Variants in TFCP2 observed in about 807,000 individuals in gnomAD.
TFCP2 encodes alpha-globin transcription factor CP2.
A neutral mutation model predicts 73.4 loss-of-function variants in TFCP2; 33 were observed. The observed-to-expected ratio is 0.45, with a 90% confidence interval of 0.34 to 0.60. TFCP2 has a LOEUF of 0.60. TFCP2 is among the 20% of genes least tolerant of loss of function. The pLI is 0.01. For synonymous variants in TFCP2, 193 were observed against 211.6 expected, an observed-to-expected ratio of 0.91 and a Z score of 0.76; for missense variants, 352 against 604.0, an observed-to-expected ratio of 0.58 and a Z score of 4.37.
intron 1 of TFCP2, among the ~76,000 whole-genome samples, chr12:51,157,866 C>T (rs1052777865): frequency 2.0e-5 from 3 of 151,582 alleles, no homozygotes; most frequent in Admixed American, 6.6e-5. Flanking sequence ...TTAGTACAGA[C>T]AGGATTTTGC....
At chr12:51,096,489 T>G (rs75806729) in intron 13 of TFCP2, among the ~76,000 whole-genome samples, 1,602 of 152,306 alleles carry the variant, frequency 0.011, 16 homozygotes, top group Middle Eastern at 0.02. Flanking sequence ...CCTCCCAGGA[T>G]CCTAATAAGG....
chr12:51,132,916 G>T (rs1241091529), intron 1 of TFCP2, among the ~76,000 whole-genome samples: 2 of 152,144 alleles, frequency 1.3e-5, no homozygotes, highest in African/African-American at 4.8e-5. Flanking sequence ...AATGACTGCA[G>T]CCTCAGCCTG....
chr12:51,154,565 G>A (rs1941498379), intron 1 of TFCP2, among the ~76,000 whole-genome samples: 2 of 152,072 alleles, frequency 1.3e-5, no homozygotes, highest in South Asian at 4.1e-4. Context: ...GTGGTGGCAG[G>A]TGCCTGTAAT....
intron 1 of TFCP2, among the ~76,000 whole-genome samples, chr12:51,122,253 C>CTTTTTTTTTTTTTTT (rs11347975): frequency 2.7e-5 from 2 of 73,180 alleles, no homozygotes; most frequent in African/African-American, 5.7e-5. Flanking sequence ...TTTTTCTTTT[C>CTTTTTTTTTTTTTTT]TTTTTTTTTT....
intron 1 of TFCP2, chr12:51,125,330 A>G (rs530525792): frequency 9.7e-6 from 5 of 514,270 alleles, no homozygotes; most frequent in Middle Eastern, 3.0e-4. Flanking sequence ...CACATTATAT[A>G]AGGCAGAGTT....
At chr12:51,124,952 A>T in intron 1 of TFCP2, 1 of 761,114 alleles carries the variant, frequency 1.3e-6, no homozygotes, top group South Asian at 1.4e-5. Context: ...CTTGCTCCGT[A>T]AGGTCGTTGC....
intron 1 of TFCP2, among the ~76,000 whole-genome samples, chr12:51,136,150 C>CA (rs1477419582): frequency 4.0e-5 from 6 of 151,780 alleles, no homozygotes; most frequent in Middle Eastern, 3.4e-3. Flanking sequence ...ACTAAAAATA[C>CA]AAAAAAATTT....
chr12:51,159,240 T>C (rs889020880), intron 1 of TFCP2, among the ~76,000 whole-genome samples: 3 of 150,984 alleles, frequency 2.0e-5, no homozygotes, highest in South Asian at 2.1e-4. Context: ...GTGGTGGTAG[T>C]GGGGGAATTT....
intron 1 of TFCP2, among the ~76,000 whole-genome samples, chr12:51,130,497 C>T (rs1323608924): frequency 6.6e-6 from 1 of 151,550 alleles, no homozygotes; most frequent in African/African-American, 2.4e-5. Flanking sequence ...CTGCATTGGA[C>T]TGTGTTTAGG....
chr12:51,160,439 A>AT (rs577576780), intron 1 of TFCP2, among the ~76,000 whole-genome samples: 62 of 146,492 alleles, frequency 4.2e-4, no homozygotes, highest in South Asian at 8.6e-4. Context: ...CCAGCTGTGA[A>AT]TTTTTTTTTT....
At chr12:51,157,709 CAG>C (rs1941568537) in intron 1 of TFCP2, among the ~76,000 whole-genome samples, 1 of 64,208 alleles carries the variant, frequency 1.6e-5, no homozygotes, top group Non-Finnish European at 3.1e-5. Flanking sequence ...TTTTTTGAGA[CAG>C]AGTCTCGCTC....
chr12:51,132,399 C>T (rs1029737978), intron 1 of TFCP2, among the ~76,000 whole-genome samples: 1 of 87,930 alleles, frequency 1.1e-5, no homozygotes, highest in African/African-American at 4.4e-5. Flanking sequence ...GACAGAGTCT[C>T]GCTCTATCAC....
intron 1 of TFCP2, among the ~76,000 whole-genome samples, chr12:51,152,977 T>C (rs1941460398): frequency 2.0e-5 from 3 of 152,184 alleles, no homozygotes; most frequent in African/African-American, 7.2e-5. Flanking sequence ...GCAACCATCA[T>C]TGGTGGTGAT....
chr12:51,144,312 G>A (rs1216902754), intron 1 of TFCP2, among the ~76,000 whole-genome samples: 3 of 152,094 alleles, frequency 2.0e-5, no homozygotes, highest in South Asian at 2.1e-4. Context: ...GAGATTACAG[G>A]TGTGTGCCAC....
chr12:51,153,033 T>C lies in TFCP2; in HGVS notation c.122+19268A>G, dbSNP rs184168567. 2.0e-5 allele frequency among the ~76,000 whole-genome samples: 3 copies of C among 152,352 alleles called. No homozygotes were observed. The East Asian group carries it at 5.8e-4, about 29-fold the overall frequency. The stretch of plus-strand genomic sequence containing the variant: ...GATCAGGACTTGGGCAAAGGAGAAC[T>C]ATTTGCATTCTTTTTGTTTTCCATT... On this transcript the variant is annotated intron_variant, in intron 1 of 14. Coordinates refer to ENST00000257915, the MANE Select transcript of TFCP2 (RefSeq NM_005653.5).
In TFCP2 at chr12:51,094,083, C is replaced by T. The variant is rs780312226; in HGVS notation, c.*1158G>A. On this transcript the variant is annotated 3_prime_UTR_variant, in exon 15 of 15. Transcript: ENST00000257915. ...AGGGAATGCATCTTTTTTTGTAAAG[C>T]TTCTATTAAAAAACATAGCATGAGT... The T allele has an allele frequency of 3.3e-5, 5 of 152,010 alleles. No homozygotes were observed. The highest frequency in any genetic ancestry group is 7.4e-5 in the Non-Finnish European group (5 of 67,974). The allele number at this position is 152,010 out of a possible 1,614,324, so 9.4% of individuals were successfully genotyped here. A position where few individuals can be genotyped will look rare whatever the true frequency, so the allele number is the denominator to read the frequency against.
intron 1 of TFCP2, among the ~76,000 whole-genome samples, chr12:51,140,999 T>G (rs1941181222): frequency 6.6e-6 from 1 of 151,974 alleles, no homozygotes; most frequent in African/African-American, 2.4e-5. Context: ...GAGGTTGCAG[T>G]GCGCTGAGAT....
In TFCP2 at chr12:51,111,167, GCTGGAGTGCAGTGGTAACAGGC is replaced by G. The variant is rs775162254; in HGVS notation, c.458-206_458-185del. Among the ~76,000 whole-genome samples the G allele has an allele frequency of 1.7e-3, 263 of 151,502 alleles. 1 individual carries two copies. In the Middle Eastern group the frequency reaches 0.02, roughly 12 times the overall value. On this transcript the variant is annotated intron_variant, in intron 4 of 14. Coordinates refer to ENST00000257915, the MANE Select transcript of TFCP2 (RefSeq NM_005653.5). ...TATGGAGTCTTGTTCTGTTGCCCAA[GCTGGAGTGCAGTGGTAACAGGC>G]CTGGAGTGCAGTGGCACCATCTCAG...
intron 1 of TFCP2, among the ~76,000 whole-genome samples, chr12:51,138,141 TTTTG>T (rs532848691): frequency 7.6e-4 from 116 of 152,216 alleles, no homozygotes; most frequent in African/African-American, 2.5e-3. Flanking sequence ...TCTGTGTGTG[TTTTG>T]TTTGTTTGTT....
Sources: gnomAD v4.1 joint callset for allele counts (sites outside exome capture counted in the v4.1 genomes callset) on GRCh38, gnomAD v4.1.1 for gene constraint, MANE v1.5 for transcripts, NCBI Gene and HGNC (gene_info 2026-07-23, HGNC 2026-07-21) for gene names.